Variants in VAMP7 observed in about 807,000 individuals in gnomAD.
VAMP7 encodes vesicle-associated membrane protein 7.
A neutral mutation model predicts 29.6 loss-of-function variants in VAMP7; 14 were observed. The ratio of observed to expected loss-of-function variants is 0.47; its 90% confidence interval spans 0.31 to 0.74. VAMP7 has a LOEUF of 0.74. Among genes scored for constraint, VAMP7 ranks in the 30% least tolerant of loss-of-function variants. The probability of loss-of-function intolerance (pLI) is 0.05; values close to 1 mark genes in which losing one functional copy is unlikely to be tolerated. For synonymous variants in VAMP7, 95 were observed against 88.1 expected (o/e 1.08, Z -0.44); for missense variants, 223 against 262.4 (o/e 0.85, Z 1.04).
At chrX:155,887,937 C>CAA (rs771113450) in intron 1 of VAMP7, among the ~76,000 whole-genome samples, 1,287 of 98,582 alleles carry the variant, frequency 0.013, 10 homozygotes, top group Middle Eastern at 0.021. Flanking sequence ...GACCCTGTCT[C>CAA]AAAAAAAAAA....
chrX:155,926,256 T>C (rs1342170556), intron 6 of VAMP7, among the ~76,000 whole-genome samples: 2 of 152,210 alleles, frequency 1.3e-5, no homozygotes, highest in Non-Finnish European at 2.9e-5. Flanking sequence ...AGATGGCATC[T>C]TCTTCCAAAA....
At chrX:155,886,464 T>C (rs2065866768) in intron 1 of VAMP7, among the ~76,000 whole-genome samples, 1 of 152,216 alleles carries the variant, frequency 6.6e-6, no homozygotes, top group Admixed American at 6.5e-5. Context: ...GAAGAAACAC[T>C]ACTTGCGTAT....
At chrX:155,894,278 G>T (rs1429199855) in intron 2 of VAMP7, among the ~76,000 whole-genome samples, 3 of 138,726 alleles carry the variant, frequency 2.2e-5, no homozygotes, top group East Asian at 4.2e-4. Context: ...TCAGTTTTCC[G>T]CACTCTAGCC....
intron 3 of VAMP7, among the ~76,000 whole-genome samples, chrX:155,897,033 G>T (rs955490866): frequency 2.6e-5 from 4 of 151,754 alleles, no homozygotes; most frequent in Non-Finnish European, 4.4e-5. Context: ...TCATTAACAA[G>T]ATCTAGTCAT....
intron 6 of VAMP7, among the ~76,000 whole-genome samples, chrX:155,929,817 A>G (rs1241142098): frequency 3.3e-5 from 5 of 152,130 alleles, no homozygotes; most frequent in South Asian, 2.1e-4. Flanking sequence ...GAGCCATGGC[A>G]TGAACAACTA....
Position 155,942,220 on chromosome X carries a change from C to A in VAMP7, c.*269C>A. The stretch of plus-strand genomic sequence containing the variant: ...TCTTTGGTTTGTTAACTAGTGTCAT[C>A]TATTTAGAGAAACATTTTTGTTTTT... On this transcript the variant is annotated 3_prime_UTR_variant, in exon 8 of 8. Transcript: ENST00000286448. The A allele has an allele frequency of 6.7e-7, 1 of 1,485,674 alleles. No homozygotes were observed. The highest frequency in any genetic ancestry group is 1.4e-5 in the African/African-American group (1 of 70,464). The allele number at this position is 1,485,674 out of a possible 1,614,324, so 92.0% of individuals were successfully genotyped here. A position where few individuals can be genotyped will look rare whatever the true frequency, so the allele number is the denominator to read the frequency against.
intron 5 of VAMP7, among the ~76,000 whole-genome samples, chrX:155,917,109 T>A (rs1376972038): frequency 1.3e-5 from 2 of 152,214 alleles, no homozygotes; most frequent in Non-Finnish European, 1.5e-5. Context: ...ATTAAGTTGA[T>A]CTACAATCTC....
chrX:155,929,847 C>G (rs986434985), intron 6 of VAMP7, among the ~76,000 whole-genome samples: 1 of 152,136 alleles, frequency 6.6e-6, no homozygotes, highest in African/African-American at 2.4e-5. Context: ...CTCAAGTCCA[C>G]CCTCACTTAA....
At chrX:155,928,721 G>A (rs1374890637) in intron 6 of VAMP7, among the ~76,000 whole-genome samples, 1 of 152,120 alleles carries the variant, frequency 6.6e-6, no homozygotes, top group Non-Finnish European at 1.5e-5. Context: ...CACATTCATA[G>A]GGATTAGGAC....
Position 155,939,784 on chromosome X carries a change from C to A in VAMP7, c.585C>A (p.Ile195=), listed in dbSNP as rs138653672. The change falls in exon 7 of 8, where the codon ATC becomes ATA. Residue 195 remains isoleucine, a synonymous_variant. Coordinates refer to ENST00000286448, the MANE Select transcript of VAMP7 (RefSeq NM_005638.6). The part of the protein sequence containing the change: ...KNLKLTIIII[I]VSIVFIYIIV... Reference sequence around the variant, plus strand: ...TCAAGCTCACTATTATCATCATCATCGTATCAATTGTAAGTTTTTGTCCTT... The same window carrying A: ...TCAAGCTCACTATTATCATCATCATAGTATCAATTGTAAGTTTTTGTCCTT... The A allele has an allele frequency of 1.2e-6, 2 of 1,612,764 alleles. No homozygotes were observed. Among genetic ancestry groups the A allele is most frequent in the African/African-American group, 2.7e-5 (2 of 74,870 alleles).
intron 2 of VAMP7, among the ~76,000 whole-genome samples, chrX:155,894,307 T>TG (rs2065959844): frequency 1.3e-5 from 2 of 150,564 alleles, no homozygotes; most frequent in East Asian, 1.9e-4. Flanking sequence ...CTTTGTTTTT[T>TG]TTTTTTTTTT....
At chrX:155,924,609 C>T (rs2066442875) in intron 6 of VAMP7, among the ~76,000 whole-genome samples, 1 of 152,106 alleles carries the variant, frequency 6.6e-6, no homozygotes, top group Non-Finnish European at 1.5e-5. Context: ...AAAAAAAATG[C>T]TAACAATCAC....
intron 5 of VAMP7, among the ~76,000 whole-genome samples, chrX:155,912,592 T>C (rs1432956511): frequency 3.9e-5 from 6 of 151,982 alleles, no homozygotes; most frequent in Admixed American, 3.9e-4. Flanking sequence ...CTCCCACTTA[T>C]GAGTGAGAAC....
At chrX:155,919,659 T>A (rs2066366122) in intron 5 of VAMP7, among the ~76,000 whole-genome samples, 154 bp from the exon 6 acceptor site, 1 of 152,176 alleles carries the variant, frequency 6.6e-6, no homozygotes, top group Non-Finnish European at 1.5e-5. Flanking sequence ...GGTGGGCTAG[T>A]CCTTGTTTTC....
intron 5 of VAMP7, among the ~76,000 whole-genome samples, 196 bp from the exon 6 acceptor site, chrX:155,919,617 G>A (rs1342022773): frequency 6.6e-6 from 1 of 152,152 alleles, no homozygotes; most frequent in Non-Finnish European, 1.5e-5. Flanking sequence ...TATGGAGGCT[G>A]TGGTGAAGTT....
chrX:155,920,127 C>T (rs2066374220), intron 6 of VAMP7, among the ~76,000 whole-genome samples: 1 of 152,128 alleles, frequency 6.6e-6, no homozygotes, highest in East Asian at 1.9e-4. Context: ...AAACAATTTT[C>T]TAAAGCTTTG....
intron 7 of VAMP7, 145 bp from the exon 8 acceptor site, chrX:155,941,738 C>A: frequency 1.0e-6 from 1 of 1,002,858 alleles, no homozygotes; most frequent in Non-Finnish European, 1.4e-6. Context: ...TTGGAAAATA[C>A]TTGTTTAGTG....
chrX:155,942,199 T>C lies in VAMP7; in HGVS notation c.*248T>C. Reference sequence around the variant, plus strand: ...TTAAAAAGGCTTTTGTTTATTTCTTTGGTTTGTTAACTAGTGTCATCTATT... The same window carrying C: ...TTAAAAAGGCTTTTGTTTATTTCTTCGGTTTGTTAACTAGTGTCATCTATT... On this transcript the variant is annotated 3_prime_UTR_variant, in exon 8 of 8. Coordinates refer to ENST00000286448, the MANE Select transcript of VAMP7 (RefSeq NM_005638.6). The C allele has an allele frequency of 6.6e-7, 1 of 1,526,050 alleles. No individual in the cohort carries two copies. The highest frequency in any genetic ancestry group is 8.8e-7 in the Non-Finnish European group (1 of 1,135,972). 94.5% of individuals were successfully genotyped at this position (1,526,050 alleles called of 1,614,324 possible). A position where few individuals can be genotyped will look rare whatever the true frequency, so the allele number is the denominator to read the frequency against.
chrX:155,888,757 C>T (rs1486546317), intron 1 of VAMP7, among the ~76,000 whole-genome samples: 2 of 152,102 alleles, frequency 1.3e-5, no homozygotes, highest in East Asian at 3.9e-4. Flanking sequence ...TTTATACTGG[C>T]AGTGTACAGT....
Sources: allele counts gnomAD v4.1 joint callset (sites outside exome capture counted in the v4.1 genomes callset), GRCh38; gene constraint gnomAD v4.1.1; transcripts MANE v1.5; gene names NCBI Gene and HGNC (gene_info 2026-07-23, HGNC 2026-07-21).